Variants in DOK6 observed in about 807,000 individuals in gnomAD.
DOK6 encodes the protein downstream of tyrosine kinase 6.
In DOK6, 22 loss-of-function variants were observed where a neutral mutation model predicts 44.0. That is an observed-to-expected ratio of 0.50 (90% CI 0.36 to 0.71). DOK6 has a LOEUF of 0.71. Ranked by LOEUF, DOK6 falls within the 30% of genes least tolerant of loss-of-function variation. The pLI is 0.00. For missense variants in DOK6, 340 were observed against 416.4 expected (o/e 0.82, Z 1.60); for synonymous variants, 166 against 145.5 (o/e 1.14, Z -1.01).
chr18:69,522,735 G>GTAGTA (rs1279808725), intron 1 of DOK6, among the ~76,000 whole-genome samples: 1 of 152,000 alleles, frequency 6.6e-6, no homozygotes, highest in African/African-American at 2.4e-5. Context: ...TAATTTATAG[G>GTAGTA]TAGTATTCTG....
At chr18:69,795,838 G>A (rs1980728071) in intron 7 of DOK6, among the ~76,000 whole-genome samples, 1 of 152,180 alleles carries the variant, frequency 6.6e-6, no homozygotes, top group Admixed American at 6.6e-5. Context: ...AAGTGGGAAA[G>A]AAGAGAGAAA....
intron 7 of DOK6, among the ~76,000 whole-genome samples, chr18:69,824,685 G>T (rs192214717): frequency 6.6e-6 from 1 of 152,292 alleles, no homozygotes; most frequent in Admixed American, 6.5e-5. Context: ...AACAAAAATC[G>T]TTTACAAACC....
chr18:69,709,660 T>C (rs1051168046), intron 5 of DOK6, among the ~76,000 whole-genome samples: 6 of 152,212 alleles, frequency 3.9e-5, no homozygotes, highest in Admixed American at 2.6e-4. Flanking sequence ...CAATGTCTTA[T>C]GTTTTACTAA....
chr18:69,404,861 GT>G (rs2122379981), intron 1 of DOK6, among the ~76,000 whole-genome samples: 1 of 152,058 alleles, frequency 6.6e-6, no homozygotes, highest in Admixed American at 6.5e-5. Context: ...AGTGCCCACA[GT>G]TTAAGAGGCA....
intron 5 of DOK6, among the ~76,000 whole-genome samples, chr18:69,727,860 T>G (rs1186544537): frequency 6.6e-6 from 1 of 152,212 alleles, no homozygotes; most frequent in Non-Finnish European, 1.5e-5. Flanking sequence ...AAATCACCCC[T>G]TTCAAATGAC....
chr18:69,489,770 G>A (rs1980683634), intron 1 of DOK6, among the ~76,000 whole-genome samples: 1 of 151,988 alleles, frequency 6.6e-6, no homozygotes, highest in South Asian at 2.1e-4. Flanking sequence ...ACACGATTTG[G>A]TATGTCTTAG....
At chr18:69,513,442 C>G (rs1398622890) in intron 1 of DOK6, among the ~76,000 whole-genome samples, 1 of 152,208 alleles carries the variant, frequency 6.6e-6, no homozygotes, top group East Asian at 1.9e-4. Context: ...CCATACTTTG[C>G]TTATGAGAAG....
intron 5 of DOK6, among the ~76,000 whole-genome samples, chr18:69,735,887 C>A (rs985213910): frequency 1.3e-5 from 2 of 152,182 alleles, no homozygotes; most frequent in Non-Finnish European, 2.9e-5. Flanking sequence ...TTTGAATAAC[C>A]AACTGGTGCC....
chr18:69,567,631 G>A (rs553119537), intron 2 of DOK6, among the ~76,000 whole-genome samples: 1 of 152,310 alleles, frequency 6.6e-6, no homozygotes, highest in African/African-American at 2.4e-5. Flanking sequence ...TGGCATTACA[G>A]TCTTAAAATA....
At chr18:69,573,278 A>G (rs1983161119) in intron 2 of DOK6, among the ~76,000 whole-genome samples, 1 of 151,872 alleles carries the variant, frequency 6.6e-6, no homozygotes, top group African/African-American at 2.4e-5. Context: ...AAGCGGCAAA[A>G]CAGCATGAAG....
chr18:69,610,966 G>GAC (rs1041931922), intron 3 of DOK6, among the ~76,000 whole-genome samples: 41 of 151,902 alleles, frequency 2.7e-4, no homozygotes, highest in Non-Finnish European at 4.0e-4. Flanking sequence ...GAGAGAGAGA[G>GAC]AGAGTTTTAA....
At chr18:69,782,067 G>GA (rs1317515777) in intron 7 of DOK6, among the ~76,000 whole-genome samples, 3 of 149,730 alleles carry the variant, frequency 2.0e-5, no homozygotes, top group Admixed American at 6.8e-5. Context: ...TAATTACTGT[G>GA]AAAAAAATGG....
chr18:69,808,546 A>G (rs1242189644), intron 7 of DOK6, among the ~76,000 whole-genome samples: 3 of 151,784 alleles, frequency 2.0e-5, no homozygotes, highest in African/African-American at 4.8e-5. Context: ...ACCTAGACTA[A>G]GAGAAACAGA....
rs112182319 is a variant in DOK6 at position 69,406,878 on chromosome 18, T to C, written c.66+5568T>C. Among the ~76,000 whole-genome samples, 1,292 of 152,240 alleles carry C rather than the reference T, an allele frequency of 8.5e-3. 17 individuals are homozygous for C. The highest frequency in any genetic ancestry group is 0.029 in the African/African-American group (1,212 of 41,546). On this transcript the variant is annotated intron_variant, in intron 1 of 7. Transcript: ENST00000382713. ...GGCGGATCACCTGAGGTCAGGAGTT[T>C]GAGAGCAGCCTGGCCAACATTGTGA...
chr18:69,537,589 A>C (rs1982157561), intron 1 of DOK6, among the ~76,000 whole-genome samples: 1 of 152,232 alleles, frequency 6.6e-6, no homozygotes, highest in Non-Finnish European at 1.5e-5. Context: ...TTGAGCACTT[A>C]TTATGAGAAA....
intron 1 of DOK6, among the ~76,000 whole-genome samples, chr18:69,455,023 A>G (rs1979586324): frequency 6.7e-6 from 1 of 150,250 alleles, no homozygotes; most frequent in Admixed American, 6.6e-5. Context: ...ACTAACCTGC[A>G]CAATGTGCAC....
chr18:69,783,865 A>T (rs916460458), intron 7 of DOK6, among the ~76,000 whole-genome samples: 7 of 152,218 alleles, frequency 4.6e-5, no homozygotes, highest in Non-Finnish European at 1.0e-4. Context: ...ATTTATATTT[A>T]AAATACTAAA....
intron 7 of DOK6, among the ~76,000 whole-genome samples, chr18:69,835,254 AG>A (rs1431384895): frequency 1.3e-5 from 2 of 152,246 alleles, no homozygotes. Context: ...CGAGGTCAGG[AG>A]ATCAAGACCA....
At position 69,776,584 on chromosome 18, in the gene DOK6, C is replaced by T. The variant is rs375176364; in HGVS notation, c.856+18711C>T. 4.6e-5 allele frequency among the ~76,000 whole-genome samples: 7 copies of T among 152,094 alleles called. No homozygotes were observed. The South Asian group carries it at 1.5e-3, about 32-fold the overall frequency. On this transcript the variant is annotated intron_variant, in intron 7 of 7. Coordinates refer to ENST00000382713, the MANE Select transcript of DOK6 (RefSeq NM_152721.6). ...AAAATTAATCAGCTAAGCACTCAAC[C>T]TTGTAGGTTAGATGAGGACAATACA...
Sources: allele counts gnomAD v4.1 joint callset (sites outside exome capture counted in the v4.1 genomes callset), GRCh38; gene constraint gnomAD v4.1.1; transcripts MANE v1.5; gene names NCBI Gene and HGNC (gene_info 2026-07-23, HGNC 2026-07-21).